CHN1: variants seen among roughly 807,000 people sequenced by gnomAD.
The protein encoded by CHN1 is N-chimaerin.
Under a neutral mutation model 59.5 loss-of-function variants are expected in CHN1, and 37 were observed. The ratio of observed to expected loss-of-function variants is 0.62; its 90% CI spans 0.48 to 0.82. CHN1 has a LOEUF of 0.82. Among genes scored for constraint, CHN1 ranks in the 40% least tolerant of loss-of-function variants. The pLI is 0.00. For synonymous variants in CHN1, 206 were observed against 200.4 expected (o/e 1.03, Z -0.24); for missense variants, 469 against 571.0 (o/e 0.82, Z 1.82).
At chr2:174,809,730 T>C (rs1403103046) in intron 10 of CHN1, among the ~76,000 whole-genome samples, 1 of 152,252 alleles carries the variant, frequency 6.6e-6, no homozygotes, top group East Asian at 1.9e-4. Flanking sequence ...AGTAGGGCTA[T>C]ACCATATCAG....
intron 1 of CHN1, among the ~76,000 whole-genome samples, chr2:174,984,764 G>A (rs1477081238): frequency 6.6e-6 from 1 of 152,074 alleles, no homozygotes; most frequent in Non-Finnish European, 1.5e-5. Flanking sequence ...CAGAAGAAAG[G>A]GCAAGCTAAC....
At position 174,874,289 on chromosome 2, in the gene CHN1, G is replaced by A. The variant is rs149646880; in HGVS notation, c.549+3551C>T. Among the ~76,000 whole-genome samples, 283 of 152,190 alleles carry A rather than the reference G, an allele frequency of 1.9e-3. 1 individual carries two copies. Among genetic ancestry groups the A allele is most frequent in the African/African-American group, 6.6e-3 (275 of 41,518 alleles). On this transcript the variant is annotated intron_variant, in intron 6 of 12. Transcript: ENST00000409900. ...AGAAAGAAGTAACTAATAAAAGTTG[G>A]GCTCTTGGCCAGTCTGGACTGCTAA...
chr2:174,869,016 C>T (rs1687316571), intron 6 of CHN1, among the ~76,000 whole-genome samples: 1 of 152,144 alleles, frequency 6.6e-6, no homozygotes, highest in Admixed American at 6.5e-5. Context: ...ATGAGTATCA[C>T]CTGCTGGGGG....
chr2:174,884,282 C>G (rs1384953018), intron 5 of CHN1, among the ~76,000 whole-genome samples: 1 of 151,420 alleles, frequency 6.6e-6, no homozygotes, highest in African/African-American at 2.4e-5. Flanking sequence ...GAAAGTCTAA[C>G]ATTTATAGAA....
At chr2:174,918,587 A>G in intron 3 of CHN1, 22 bp from the exon 4 acceptor site, 2 of 1,581,584 alleles carry the variant, frequency 1.3e-6, no homozygotes, top group South Asian at 1.2e-5. Flanking sequence ...GCAAAAAAAC[A>G]GGCATATTTG....
At chr2:174,890,298 T>G (rs948435678) in intron 5 of CHN1, among the ~76,000 whole-genome samples, 1 of 152,136 alleles carries the variant, frequency 6.6e-6, no homozygotes, top group African/African-American at 2.4e-5. Context: ...AAATAGACTT[T>G]TACTAAGTAA....
At chr2:174,808,766 T>A (rs543633625) in intron 11 of CHN1, 139 bp downstream of exon 11, 2 of 876,090 alleles carry the variant, frequency 2.3e-6, no homozygotes, top group Admixed American at 4.4e-5. Context: ...CAATGCAAAA[T>A]TCTTGTAAGT....
In CHN1 at chr2:174,918,543, T is replaced by C; in HGVS notation, c.137A>G (p.Tyr46Cys). Residue 46 changes from tyrosine to cysteine, a missense_variant, in exon 4 of 13, where the codon TAT becomes TGT. By Grantham distance (194) the Tyr-to-Cys change is radical (BLOSUM62 -2). Coordinates refer to ENST00000409900, the MANE Select transcript of CHN1 (RefSeq NM_001822.7). ...AATAATCCATACTTACTCTCTTCCA[T>C]AATACTTTGGTCTGTTTTCCACCTA... ...TCEVENRPKY[Y>C]GREFHGMISR... The C allele has an allele frequency of 1.9e-6, 3 of 1,591,290 alleles. No homozygotes were observed. The highest frequency in any genetic ancestry group is 4.5e-5 in the East Asian group (2 of 44,248).
At chr2:174,900,255 C>T (rs959457807) in intron 5 of CHN1, among the ~76,000 whole-genome samples, 11 of 152,028 alleles carry the variant, frequency 7.2e-5, no homozygotes, top group African/African-American at 9.7e-5. Context: ...CTCTGGGACC[C>T]GGAGAAGGGA....
At chr2:174,905,907 C>A (rs1205770374) in intron 5 of CHN1, among the ~76,000 whole-genome samples, 1 of 152,112 alleles carries the variant, frequency 6.6e-6, no homozygotes, top group Non-Finnish European at 1.5e-5. Context: ...AGGTGCAAAT[C>A]AATCTTTAAT....
chr2:174,950,953 T>C (rs916028390), intron 2 of CHN1, among the ~76,000 whole-genome samples: 1 of 152,000 alleles, frequency 6.6e-6, no homozygotes, highest in African/African-American at 2.4e-5. Flanking sequence ...CTAATTTTTG[T>C]ATTTTCAGTA....
intron 7 of CHN1, among the ~76,000 whole-genome samples, chr2:174,829,667 C>T (rs1227113810): frequency 2.0e-5 from 3 of 152,126 alleles, no homozygotes; most frequent in Admixed American, 1.3e-4. Flanking sequence ...ATGTAAGCCA[C>T]GTTGGAGATG....
At chr2:174,904,588 A>C (rs1035033563) in intron 5 of CHN1, among the ~76,000 whole-genome samples, 4 of 152,100 alleles carry the variant, frequency 2.6e-5, no homozygotes, top group Non-Finnish European at 4.4e-5. Context: ...GGGTTTCTCC[A>C]TGTCAGTCGG....
chr2:174,929,503 G>C (rs187647138), intron 3 of CHN1, among the ~76,000 whole-genome samples: 1 of 152,032 alleles, frequency 6.6e-6, no homozygotes, highest in Non-Finnish European at 1.5e-5. Context: ...ACTTGAACTC[G>C]GGAGTTGGAG....
chr2:174,815,158 C>T (rs1685202365), intron 8 of CHN1, among the ~76,000 whole-genome samples: 1 of 152,118 alleles, frequency 6.6e-6, no homozygotes, highest in Non-Finnish European at 1.5e-5. Flanking sequence ...GGGAGAATTG[C>T]TTAAGGCCAG....
At chr2:174,877,519 G>C (rs1687603869) in intron 6 of CHN1, among the ~76,000 whole-genome samples, 1 of 152,098 alleles carries the variant, frequency 6.6e-6, no homozygotes, top group Non-Finnish European at 1.5e-5. Context: ...CGTAATAGTA[G>C]CTATCTTTTC....
At chr2:174,940,326 CGA>C (rs1390779511) in intron 3 of CHN1, among the ~76,000 whole-genome samples, 1 of 152,030 alleles carries the variant, frequency 6.6e-6, no homozygotes. Flanking sequence ...CACGCCCAGC[CGA>C]GAGTAATTAT....
At chr2:174,827,078 A>G (rs1410124295) in intron 7 of CHN1, among the ~76,000 whole-genome samples, 1 of 152,120 alleles carries the variant, frequency 6.6e-6, no homozygotes, top group Non-Finnish European at 1.5e-5. Flanking sequence ...TTGAATTTTT[A>G]TATCTAAAAC....
At chr2:174,965,265 G>T (rs970509363) in intron 1 of CHN1, among the ~76,000 whole-genome samples, 1 of 151,918 alleles carries the variant, frequency 6.6e-6, no homozygotes, top group African/African-American at 2.4e-5. Context: ...TGTTAAAAAT[G>T]ACCTCTGAAA....
Sources: gnomAD v4.1 joint callset for allele counts (sites outside exome capture counted in the v4.1 genomes callset) on GRCh38, gnomAD v4.1.1 for gene constraint, MANE v1.5 for transcripts, NCBI Gene and HGNC (gene_info 2026-07-23, HGNC 2026-07-21) for gene names.